The following RASGRF1 variants were observed in gnomAD, a reference collection of about 807,000 sequenced individuals.
RASGRF1 encodes the protein Ras protein specific guanine nucleotide releasing factor 1, also known as ras-specific guanine nucleotide-releasing factor 1.
A neutral mutation model predicts 138.7 loss-of-function variants in RASGRF1; 40 were observed. The observed-to-expected ratio is 0.29, with a 90% CI of 0.22 to 0.38. The LOEUF (loss-of-function observed/expected upper bound fraction) is 0.38. RASGRF1 is among the 10% of genes least tolerant of loss of function. The probability of loss-of-function intolerance (pLI) is 1.00; values close to 1 mark genes in which losing one functional copy is unlikely to be tolerated. For synonymous variants in RASGRF1, 614 were observed against 663.2 expected (o/e 0.93, Z 1.14); for missense variants, 1,108 against 1,650.4 (o/e 0.67, Z 5.69).
At chr15:78,966,782 C>T (rs896885461) in intron 26 of RASGRF1, among the ~76,000 whole-genome samples, 1 of 152,082 alleles carries the variant, frequency 6.6e-6, no homozygotes, top group African/African-American at 2.4e-5. Flanking sequence ...GTGCAGCAGC[C>T]ATTAGCCACG....
rs528914699 is a variant in RASGRF1, at chr15:79,050,612, G to T, written c.532-1024C>A. On this transcript the variant is annotated intron_variant, in intron 3 of 26. Coordinates refer to ENST00000558480, the MANE Select transcript of RASGRF1 (RefSeq NM_001145648.3). The surrounding 1 kb of genome is among the most constrained non-coding windows in gnomAD (Gnocchi z 4.1). ...GGAGCAGCTCTTCAAATATCTAGCT[G>T]CTCTAAACATCTCCATTTGCATAAT... Among the ~76,000 whole-genome samples the T allele has an allele frequency of 1.3e-5, 2 of 152,270 alleles. No individual in the cohort carries two copies. The highest frequency in any genetic ancestry group is 2.4e-5 in the African/African-American group (1 of 41,546).
intron 24 of RASGRF1, chr15:78,978,652 T>G (rs1209001155): frequency 9.9e-7 from 1 of 1,010,832 alleles, no homozygotes; most frequent in Non-Finnish European, 1.2e-6. Context: ...GCCCATGGAC[T>G]GCCACCTCGC....
At chr15:78,984,768 C>T in intron 23 of RASGRF1, 1 of 557,730 alleles carries the variant, frequency 1.8e-6, no homozygotes, top group Non-Finnish European at 3.2e-6. Context: ...ATATTCTTTC[C>T]ACTTTGAGGT....
intron 18 of RASGRF1, 70 bp from the exon 19 acceptor site, chr15:78,998,278 G>A: frequency 7.9e-7 from 1 of 1,273,052 alleles, no homozygotes; most frequent in Non-Finnish European, 1.1e-6. Flanking sequence ...CTGGGCCCAG[G>A]CCAGAGGAAG....
intron 1 of RASGRF1, among the ~76,000 whole-genome samples, chr15:79,079,457 CAA>C (rs11444328): frequency 2.3e-5 from 3 of 133,240 alleles, no homozygotes; most frequent in Non-Finnish European, 1.6e-5. Context: ...AGAGACTGGC[CAA>C]AAAAAAAAAA....
At chr15:79,031,024 G>C (rs994413506) in intron 8 of RASGRF1, among the ~76,000 whole-genome samples, 1 of 152,194 alleles carries the variant, frequency 6.6e-6, no homozygotes, top group Admixed American at 6.5e-5. Context: ...GGGCACATGA[G>C]GGCCTGTCAC....
intron 10 of RASGRF1, 120 bp downstream of exon 10, chr15:79,025,194 G>A (rs2057029214): frequency 2.6e-6 from 3 of 1,150,420 alleles, no homozygotes; most frequent in South Asian, 3.8e-5. Flanking sequence ...CTGTGTGTGT[G>A]TGCATGCACA....
intron 10 of RASGRF1, 119 bp downstream of exon 10, chr15:79,025,195 T>C: frequency 8.6e-7 from 1 of 1,157,804 alleles, no homozygotes; most frequent in South Asian, 1.9e-5. Context: ...TGTGTGTGTG[T>C]GCATGCACAC....
rs1595934907 is a variant in RASGRF1 at position 79,046,071 on chromosome 15, C to T, written c.878+675G>A. On this transcript the variant is annotated intron_variant, in intron 5 of 26. Coordinates refer to ENST00000558480, the MANE Select transcript of RASGRF1 (RefSeq NM_001145648.3). This position sits in a 1 kb window ranked among gnomAD's most constrained non-coding sequence, Gnocchi z 5.3. ...AAGAAGTTGACAGCAGAAGAGCAGC[C>T]GTCAGCACAGCCTTCTGAAGAACCA... Among the ~76,000 whole-genome samples, 2 of 152,096 alleles carry T rather than the reference C, an allele frequency of 1.3e-5. No homozygotes were observed. Among genetic ancestry groups the T allele is most frequent in the South Asian group, 4.1e-4 (2 of 4,822 alleles).
intron 5 of RASGRF1, among the ~76,000 whole-genome samples, chr15:79,038,026 G>A (rs974083490): frequency 4.6e-5 from 7 of 152,128 alleles, no homozygotes; most frequent in South Asian, 2.1e-4. Context: ...AGCTCAGGTG[G>A]TAATGTGAGC....
Position 79,027,293 on chromosome 15 carries a change from G to T in RASGRF1, c.1381+448C>A, listed in dbSNP as rs2057073529. Among the ~76,000 whole-genome samples the T allele has an allele frequency of 6.6e-6, 1 of 152,134 alleles. No homozygotes were observed. Among genetic ancestry groups the T allele is most frequent in the Admixed American group, 6.5e-5 (1 of 15,280 alleles). On this transcript the variant is annotated intron_variant, in intron 9 of 26. Coordinates refer to ENST00000558480, the MANE Select transcript of RASGRF1 (RefSeq NM_001145648.3). The surrounding 1 kb of genome is among the most constrained non-coding windows in gnomAD (Gnocchi z 4.8). ...ACCCATGAGAACCACTGTGAAAATG[G>T]TCTCTCCAAAGCAGCAGAGGATGAT...
intron 1 of RASGRF1, among the ~76,000 whole-genome samples, chr15:79,077,528 C>T (rs968978731): frequency 1.3e-5 from 2 of 152,154 alleles, no homozygotes; most frequent in African/African-American, 2.4e-5. Context: ...CACACATACA[C>T]ACAACGTAGG....
At chr15:79,088,897 C>T (rs575143162) in intron 1 of RASGRF1, among the ~76,000 whole-genome samples, 2 of 152,296 alleles carry the variant, frequency 1.3e-5, no homozygotes, top group Non-Finnish European at 2.9e-5. Flanking sequence ...TCCCCAGGGA[C>T]CCACCCTCAA....
intron 16 of RASGRF1, 145 bp downstream of exon 16, chr15:79,001,517 G>T: frequency 9.3e-7 from 1 of 1,078,518 alleles, no homozygotes. Context: ...GTGGTGGGTG[G>T]GTTATGAAAT....
intron 20 of RASGRF1, among the ~76,000 whole-genome samples, chr15:78,992,136 G>A (rs758590224): frequency 3.9e-5 from 6 of 152,358 alleles, no homozygotes; most frequent in Non-Finnish European, 8.8e-5. Context: ...CTGGAAGTGG[G>A]CTGACTAGGA....
At chr15:79,059,854 A>T (rs1226535715) in intron 2 of RASGRF1, among the ~76,000 whole-genome samples, 1 of 152,084 alleles carries the variant, frequency 6.6e-6, no homozygotes, top group African/African-American at 2.4e-5. Flanking sequence ...TTTTTCGTAC[A>T]TAGGAAGTAT....
At chr15:79,017,399 T>G (rs1297697470) in intron 12 of RASGRF1, among the ~76,000 whole-genome samples, 1 of 152,298 alleles carries the variant, frequency 6.6e-6, no homozygotes, top group South Asian at 2.1e-4. Context: ...ATCAATGACC[T>G]GGGGCATGTA....
intron 1 of RASGRF1, among the ~76,000 whole-genome samples, chr15:79,085,800 T>G (rs891026500): frequency 1.3e-5 from 2 of 152,152 alleles, no homozygotes; most frequent in African/African-American, 4.8e-5. Context: ...AGACAAAGAT[T>G]AAGTTTTCTT....
chr15:78,978,739 G>C, intron 24 of RASGRF1: 3 of 1,108,166 alleles, frequency 2.7e-6, no homozygotes, highest in Non-Finnish European at 3.3e-6. Context: ...GAAAACCTTA[G>C]AGCCTCAGGA....
Sources: allele counts gnomAD v4.1 joint callset (sites outside exome capture counted in the v4.1 genomes callset), GRCh38; gene constraint gnomAD v4.1.1; non-coding constraint Gnocchi (gnomAD v3.1); transcripts MANE v1.5; gene names NCBI Gene and HGNC (gene_info 2026-07-23, HGNC 2026-07-21).